DGKI: variants seen among roughly 807,000 people sequenced by gnomAD.
DGKI encodes DAG kinase iota.
In DGKI, 55 loss-of-function variants were observed where a neutral mutation model predicts 147.5. The ratio of observed to expected loss-of-function variants is 0.37; its 90% CI spans 0.30 to 0.47. The LOEUF (loss-of-function observed/expected upper bound fraction) is 0.47. DGKI is among the 20% of genes least tolerant of loss of function. DGKI has a pLI of 1.00. For missense variants in DGKI, 1,007 were observed against 1,323.8 expected (o/e 0.76, Z 3.71); for synonymous variants, 469 against 477.1 (o/e 0.98, Z 0.22).
chr7:137,775,880 G>C (rs1281544491), intron 1 of DGKI, among the ~76,000 whole-genome samples: 1 of 151,576 alleles, frequency 6.6e-6, no homozygotes, highest in Non-Finnish European at 1.5e-5. Context: ...TTTTTTGGCA[G>C]AGTTTTTCGC....
At chr7:137,513,337 G>A (rs1257888631) in intron 21 of DGKI, among the ~76,000 whole-genome samples, 1 of 152,030 alleles carries the variant, frequency 6.6e-6, no homozygotes. Context: ...CGAAGGCACT[G>A]CTCCTGCATT....
intron 1 of DGKI, among the ~76,000 whole-genome samples, chr7:137,767,314 G>C (rs1275728230): frequency 2.0e-5 from 3 of 151,024 alleles, no homozygotes; most frequent in Non-Finnish European, 4.4e-5. Context: ...AGTGTCACAG[G>C]GGAAAAAAAA....
intron 20 of DGKI, among the ~76,000 whole-genome samples, chr7:137,540,755 AC>A (rs372555566): frequency 0.095 from 5,613 of 59,056 alleles, 1,396 homozygotes; most frequent in South Asian, 0.2. Context: ...CATTTTAAAA[AC>A]CCCCCCAAAA....
At chr7:137,667,656 C>G (rs1822687276) in intron 3 of DGKI, among the ~76,000 whole-genome samples, 1 of 152,096 alleles carries the variant, frequency 6.6e-6, no homozygotes, top group Non-Finnish European at 1.5e-5. Context: ...ATATGGAATA[C>G]TGTATTTCTA....
chr7:137,463,692 T>G, intron 26 of DGKI, 81 bp from the exon 27 acceptor site: 2 of 1,541,798 alleles, frequency 1.3e-6, no homozygotes, highest in South Asian at 2.4e-5. Flanking sequence ...AAGATGAATC[T>G]TGCCAGTAAA....
intron 21 of DGKI, chr7:137,493,817 T>C (rs773319501): frequency 6.3e-5 from 44 of 701,552 alleles, no homozygotes; most frequent in South Asian, 4.6e-4. Context: ...CAGCAATGGT[T>C]CTTAACCAGT....
rs369348627 is a variant in DGKI at position 137,789,344 on chromosome 7, C to T, written c.401+57118G>A. ...ATAAAAATAAAAAGACTACCACCCA[C>T]TCCCCATGCTACCCTCCCACTGAAA... On this transcript the variant is annotated intron_variant, in intron 1 of 32. Coordinates refer to ENST00000614521, the MANE Select transcript of DGKI (RefSeq NM_001321708.2). Among the ~76,000 whole-genome samples the T allele has an allele frequency of 3.3e-5, 5 of 152,262 alleles. No individual in the cohort carries two copies. The South Asian group carries it at 1.0e-3, about 32-fold the overall frequency.
intron 1 of DGKI, among the ~76,000 whole-genome samples, chr7:137,817,859 C>T (rs1273359241): frequency 6.6e-6 from 1 of 152,198 alleles, no homozygotes; most frequent in African/African-American, 2.4e-5. Flanking sequence ...TGTTTTATTC[C>T]TATGCATATG....
intron 1 of DGKI, among the ~76,000 whole-genome samples, chr7:137,735,986 A>C (rs189380740): frequency 6.6e-6 from 1 of 152,224 alleles, no homozygotes; most frequent in Non-Finnish European, 1.5e-5. Context: ...CAGTGGCTGA[A>C]AATGACAGTA....
At chr7:137,427,811 C>T (rs1233219836) in intron 28 of DGKI, among the ~76,000 whole-genome samples, 2 of 152,140 alleles carry the variant, frequency 1.3e-5, no homozygotes, top group Admixed American at 1.3e-4. Flanking sequence ...AAGAAATGGA[C>T]AAATTCCTCG....
intron 1 of DGKI, among the ~76,000 whole-genome samples, chr7:137,769,995 A>G (rs1246285865): frequency 1.3e-5 from 2 of 152,210 alleles, no homozygotes; most frequent in Non-Finnish European, 2.9e-5. Context: ...AGGATTATAA[A>G]TCATTGTTCT....
chr7:137,777,700 G>T (rs891143997), intron 1 of DGKI, among the ~76,000 whole-genome samples: 7 of 152,140 alleles, frequency 4.6e-5, no homozygotes, highest in Admixed American at 6.5e-5. Context: ...TCTCTTTAAA[G>T]AATTCTTCTA....
At chr7:137,681,639 A>T (rs1415919985) in intron 2 of DGKI, among the ~76,000 whole-genome samples, 2 of 152,264 alleles carry the variant, frequency 1.3e-5, no homozygotes, top group Non-Finnish European at 2.9e-5. Flanking sequence ...ACCAGAGAAG[A>T]TGGAACTAGA....
intron 30 of DGKI, among the ~76,000 whole-genome samples, chr7:137,400,276 T>A (rs568055594): frequency 2.0e-5 from 3 of 152,256 alleles, no homozygotes; most frequent in African/African-American, 7.2e-5. Flanking sequence ...TCTAAGCCAC[T>A]CCTTTTGGAA....
rs1811612515 is a variant in DGKI at position 137,397,939 on chromosome 7, G to C, written c.2921-526C>G. Among the ~76,000 whole-genome samples, 3 of 152,134 alleles carry C rather than the reference G, an allele frequency of 2.0e-5. No individual in the cohort carries two copies. In the South Asian group the frequency reaches 6.2e-4, roughly 32 times the overall value. On this transcript the variant is annotated intron_variant, in intron 30 of 32. Coordinates refer to ENST00000614521, the MANE Select transcript of DGKI (RefSeq NM_001321708.2). The stretch of plus-strand genomic sequence containing the variant: ...CAAATGACTATAGATGCATCCTTAG[G>C]AATGGAAATATTCTGTGAATTTTCC...
chr7:137,516,768 G>A (rs1273668300), intron 21 of DGKI, among the ~76,000 whole-genome samples: 2 of 151,986 alleles, frequency 1.3e-5, no homozygotes, highest in African/African-American at 4.8e-5. Context: ...ATGAATGCAT[G>A]AATGGTTGAA....
At chr7:137,744,874 G>C (rs189205348) in intron 1 of DGKI, among the ~76,000 whole-genome samples, 25 of 152,028 alleles carry the variant, frequency 1.6e-4, no homozygotes, top group African/African-American at 5.8e-4. Flanking sequence ...AACAAATTAG[G>C]TATCAAGAAA....
intron 1 of DGKI, among the ~76,000 whole-genome samples, chr7:137,794,444 C>A (rs777871240): frequency 2.6e-5 from 4 of 152,204 alleles, no homozygotes; most frequent in Non-Finnish European, 5.9e-5. Flanking sequence ...ATGAAGCTAG[C>A]AAATTGCAGG....
At chr7:137,843,756 T>TACACACACACACACACACACAC (rs71177923) in intron 1 of DGKI, among the ~76,000 whole-genome samples, 1 of 137,820 alleles carries the variant, frequency 7.3e-6, no homozygotes, top group Non-Finnish European at 1.5e-5. Flanking sequence ...GAGACCCCCC[T>TACACACACACACACACACACAC]ACACACACAC....
Sources: allele counts gnomAD v4.1 joint callset (sites outside exome capture counted in the v4.1 genomes callset), GRCh38; gene constraint gnomAD v4.1.1; transcripts MANE v1.5; gene names NCBI Gene and HGNC (gene_info 2026-07-23, HGNC 2026-07-21).